The following PAFAH2 variants were observed in gnomAD, a reference collection of about 807,000 sequenced individuals.
The protein encoded by PAFAH2 is platelet activating factor acetylhydrolase 2.
A neutral mutation model predicts 49.0 loss-of-function variants in PAFAH2; 42 were observed. The observed-to-expected ratio is 0.86, with a 90% CI of 0.67 to 1.11. PAFAH2 has a LOEUF of 1.11. PAFAH2 is among the 50% of genes least tolerant of loss of function. The pLI, the probability that PAFAH2 is intolerant of heterozygous loss-of-function variation, is 0.00. For synonymous variants in PAFAH2, 184 were observed against 181.3 expected (o/e 1.01, Z -0.12); for missense variants, 503 against 501.8 (o/e 1.00, Z -0.02).
chr1:25,986,743 C>T (rs1345275792), intron 4 of PAFAH2, among the ~76,000 whole-genome samples: 3 of 151,870 alleles, frequency 2.0e-5, no homozygotes, highest in African/African-American at 7.3e-5. Context: ...GTTGGTCAGG[C>T]TAGTCTCGAA....
At chr1:25,996,533 T>G (rs1163703721) in intron 1 of PAFAH2, among the ~76,000 whole-genome samples, 1 of 151,940 alleles carries the variant, frequency 6.6e-6, no homozygotes, top group Non-Finnish European at 1.5e-5. Context: ...TCCCAGCTAC[T>G]TGGGAGGCTG....
At chr1:25,971,690 C>G (rs1377409842) in intron 10 of PAFAH2, among the ~76,000 whole-genome samples, 1 of 152,138 alleles carries the variant, frequency 6.6e-6, no homozygotes, top group Admixed American at 6.5e-5. Flanking sequence ...AACAAACTCC[C>G]CTTTTTTTCT....
rs1356795727 is a variant in PAFAH2, at chr1:25,976,693, C to T, written c.747G>A (p.Glu249=). The T allele has an allele frequency of 1.2e-6, 2 of 1,613,694 alleles. No individual in the cohort carries two copies. The highest frequency in any genetic ancestry group is 2.7e-5 in the African/African-American group (2 of 74,926). ...GATAILALAK[E]TQFRCAVALD... is the part of the protein sequence containing the mutation. ...ACTAGGAAACTCACCGAAATTGGGTCTCCTTGGCCAAAGCCAGAATAGCTG... is the reference window on the plus strand; with the variant it reads ...ACTAGGAAACTCACCGAAATTGGGTTTCCTTGGCCAAAGCCAGAATAGCTG... Residue 249 remains glutamate (E), a synonymous_variant, in exon 8 of 11, where the codon GAG becomes GAA. Coordinates refer to ENST00000374282, the MANE Select transcript of PAFAH2 (RefSeq NM_000437.4).
intron 1 of PAFAH2, among the ~76,000 whole-genome samples, chr1:25,996,623 C>G (rs1474168801): frequency 6.6e-6 from 1 of 152,032 alleles, no homozygotes; most frequent in Non-Finnish European, 1.5e-5. Context: ...GCCTGGGCGA[C>G]AGAGCGAGAC....
At position 25,977,964 on chromosome 1, in the gene PAFAH2, T is replaced by C. The variant is rs564332898; in HGVS notation, c.667-1191A>G. On this transcript the variant is annotated intron_variant, in intron 7 of 10. Coordinates refer to ENST00000374282, the MANE Select transcript of PAFAH2 (RefSeq NM_000437.4). ...AAGAGTGAGTCTGTGCACTCTAACA[T>C]GCTTCACACGTATCTATTTCTAGTC... Among the ~76,000 whole-genome samples the C allele has an allele frequency of 6.6e-5, 10 of 152,278 alleles. No individual in the cohort carries two copies. The South Asian group carries it at 2.1e-3, about 32-fold the overall frequency.
At chr1:25,985,421 G>A (rs775498212) in intron 4 of PAFAH2, among the ~76,000 whole-genome samples, 1 of 152,168 alleles carries the variant, frequency 6.6e-6, no homozygotes, top group Non-Finnish European at 1.5e-5. Flanking sequence ...GCAATGAGAG[G>A]AAACAATGTT....
At chr1:25,982,600 C>G (rs1195222301) in intron 6 of PAFAH2, 123 bp from the exon 7 acceptor site, 1 of 689,224 alleles carries the variant, frequency 1.5e-6, no homozygotes, top group Non-Finnish European at 2.5e-6. Context: ...TCAGCAAGCA[C>G]CTTGGGTGCC....
At chr1:25,990,645 T>TACAG in intron 2 of PAFAH2, 82 bp downstream of exon 2, 1 of 1,153,192 alleles carries the variant, frequency 8.7e-7, no homozygotes, top group Non-Finnish European at 1.3e-6. Flanking sequence ...ACCGTGGGAA[T>TACAG]ACAGGATCAG....
chr1:25,984,924 G>A (rs572118974), intron 4 of PAFAH2, among the ~76,000 whole-genome samples: 45 of 144,242 alleles, frequency 3.1e-4, no homozygotes, highest in African/African-American at 1.0e-3. Context: ...TCTTGGCCTC[G>A]GCTCACTGCA....
chr1:25,985,804 A>G (rs1343228239), intron 4 of PAFAH2, among the ~76,000 whole-genome samples: 1 of 152,224 alleles, frequency 6.6e-6, no homozygotes, highest in Non-Finnish European at 1.5e-5. Flanking sequence ...CATGGGCTAC[A>G]GTTACAGGAG....
intron 7 of PAFAH2, among the ~76,000 whole-genome samples, chr1:25,976,994 A>G (rs1374378081): frequency 2.0e-5 from 3 of 150,960 alleles, no homozygotes; most frequent in African/African-American, 7.3e-5. Flanking sequence ...GAATTGTGAG[A>G]ATCACACTTT....
chr1:25,992,380 T>C (rs1465008176), intron 1 of PAFAH2, among the ~76,000 whole-genome samples: 4 of 152,008 alleles, frequency 2.6e-5, no homozygotes, highest in African/African-American at 9.7e-5. Context: ...GGGCAGTAGA[T>C]CAAACAGATG....
rs950879874 is a variant in PAFAH2 at position 25,960,263 on chromosome 1, G to GC, written c.*1725dup. ...CAGTCACTGACAGGTGGAGATCTAG[G>GC]CCCAGCTTGCTCTGGTGGCCCTGAC... On this transcript the variant is annotated 3_prime_UTR_variant, in exon 11 of 11. Transcript: ENST00000374282. 6.6e-6 allele frequency: 1 copy of GC among 152,460 alleles called. No individual in the cohort carries two copies. Among genetic ancestry groups the GC allele is most frequent in the African/African-American group, 2.4e-5 (1 of 41,430 alleles). 9.4% of individuals were successfully genotyped at this position (152,460 alleles called of 1,614,324 possible).
chr1:25,966,311 T>C (rs1352457234), intron 10 of PAFAH2, among the ~76,000 whole-genome samples: 1 of 152,146 alleles, frequency 6.6e-6, no homozygotes, highest in Non-Finnish European at 1.5e-5. Context: ...GAAAGACACC[T>C]GCACACATAT....
chr1:25,968,295 T>G (rs1375143141), intron 10 of PAFAH2, among the ~76,000 whole-genome samples: 1 of 152,032 alleles, frequency 6.6e-6, no homozygotes, highest in Non-Finnish European at 1.5e-5. Context: ...AGGTGGGAAC[T>G]CTAGTAACCG....
intron 9 of PAFAH2, among the ~76,000 whole-genome samples, chr1:25,973,688 C>T (rs138977820): frequency 6.6e-6 from 1 of 152,190 alleles, no homozygotes. Context: ...ACTGGCCATA[C>T]TGCCGGCCCC....
chr1:25,979,228 G>A (rs2049641480), intron 7 of PAFAH2, among the ~76,000 whole-genome samples: 1 of 151,760 alleles, frequency 6.6e-6, no homozygotes, highest in Admixed American at 6.6e-5. Flanking sequence ...AGATGAAAAT[G>A]TACTTAGCTT....
chr1:25,980,530 A>G (rs1233665000), intron 7 of PAFAH2, among the ~76,000 whole-genome samples: 1 of 150,174 alleles, frequency 6.7e-6, no homozygotes, highest in African/African-American at 2.4e-5. Context: ...GATGGTCTCA[A>G]TCTCTTGACC....
At chr1:25,991,047 T>G (rs1469695806) in intron 1 of PAFAH2, 184 bp from the exon 2 acceptor site, 1 of 483,744 alleles carries the variant, frequency 2.1e-6, no homozygotes, top group Non-Finnish European at 3.7e-6. Flanking sequence ...GGTTGTTTTT[T>G]ATTTTGCTAG....
Sources: allele counts gnomAD v4.1 joint callset (sites outside exome capture counted in the v4.1 genomes callset), GRCh38; gene constraint gnomAD v4.1.1; transcripts MANE v1.5; gene names NCBI Gene and HGNC (gene_info 2026-07-23, HGNC 2026-07-21).